XYLT1: variants seen among roughly 807,000 people sequenced by gnomAD.
XYLT1 encodes beta-D-xylosyltransferase 1.
A neutral mutation model predicts 91.3 loss-of-function variants in XYLT1; 36 were observed. The ratio of observed to expected loss-of-function variants is 0.39; its 90% CI spans 0.30 to 0.52. The LOEUF is 0.52. XYLT1 is among the 20% of genes least tolerant of loss of function. The pLI, the probability that XYLT1 is intolerant of heterozygous loss-of-function variation, is 0.68. For synonymous variants in XYLT1, 588 were observed against 532.0 expected (o/e 1.11, Z -1.45); for missense variants, 1,242 against 1,284.5 (o/e 0.97, Z 0.51).
At chr16:17,372,022 C>T (rs1276640433) in intron 1 of XYLT1, among the ~76,000 whole-genome samples, 1 of 152,168 alleles carries the variant, frequency 6.6e-6, no homozygotes, top group African/African-American at 2.4e-5. Context: ...CTAAGTTGCC[C>T]CATTCTTGGT....
At chr16:17,248,512 G>A (rs569960641) in intron 3 of XYLT1, among the ~76,000 whole-genome samples, 145 of 152,196 alleles carry the variant, frequency 9.5e-4, no homozygotes, top group African/African-American at 3.0e-3. Context: ...CTTGGCCTAC[G>A]AGCAGATTAA....
chr16:17,318,156 T>G (rs897185358), intron 2 of XYLT1, among the ~76,000 whole-genome samples: 1 of 152,234 alleles, frequency 6.6e-6, no homozygotes, highest in Non-Finnish European at 1.5e-5. Flanking sequence ...GTATATCTAA[T>G]GCCTGACGTG....
At chr16:17,418,762 C>T (rs952668430) in intron 1 of XYLT1, among the ~76,000 whole-genome samples, 15 of 151,674 alleles carry the variant, frequency 9.9e-5, no homozygotes, top group Admixed American at 2.0e-4. Context: ...GTGGGAGGCT[C>T]GCTTGAGACC....
At chr16:17,448,797 G>A (rs2036627721) in intron 1 of XYLT1, among the ~76,000 whole-genome samples, 1 of 152,058 alleles carries the variant, frequency 6.6e-6, no homozygotes, top group Non-Finnish European at 1.5e-5. Context: ...GCAGCAGCAT[G>A]TTATGGTGCT....
At chr16:17,443,625 T>C (rs1364528990) in intron 1 of XYLT1, among the ~76,000 whole-genome samples, 1 of 152,212 alleles carries the variant, frequency 6.6e-6, no homozygotes, top group Admixed American at 6.5e-5. Flanking sequence ...AGGTGGTACC[T>C]TTATAGAAGT....
chr16:17,175,989 G>A (rs1344678256), intron 5 of XYLT1, among the ~76,000 whole-genome samples: 1 of 152,012 alleles, frequency 6.6e-6, no homozygotes, highest in Non-Finnish European at 1.5e-5. Context: ...CCCCTCCACT[G>A]GTCCTCAATC....
At chr16:17,436,457 C>T (rs899311524) in intron 1 of XYLT1, among the ~76,000 whole-genome samples, 5 of 152,172 alleles carry the variant, frequency 3.3e-5, no homozygotes, top group African/African-American at 9.7e-5. Context: ...GCACTACCAC[C>T]GTGGCTGGCA....
Position 17,205,527 on chromosome 16 carries a change from C to T in XYLT1, c.914-4873G>A, listed in dbSNP as rs111788624. The stretch of plus-strand genomic sequence containing the variant: ...GGTATGTATAATCACAGAATCCACC[C>T]CACATGGACATTCACATCCAGAAGA... On this transcript the variant is annotated intron_variant, in intron 3 of 11. Transcript: ENST00000261381. Among the ~76,000 whole-genome samples the T allele has an allele frequency of 7.1e-3, 1,085 of 152,306 alleles. 7 individuals are homozygous for T. Among genetic ancestry groups the T allele is most frequent in the Admixed American group, 0.013 (203 of 15,304 alleles).
chr16:17,317,686 G>A (rs890883408), intron 2 of XYLT1, among the ~76,000 whole-genome samples: 1 of 145,436 alleles, frequency 6.9e-6, no homozygotes, highest in African/African-American at 2.5e-5. Flanking sequence ...TTTATGGTAT[G>A]CAGTATCTCT....
chr16:17,268,361 T>G (rs1296590379), intron 2 of XYLT1, among the ~76,000 whole-genome samples: 1 of 152,220 alleles, frequency 6.6e-6, no homozygotes, highest in Non-Finnish European at 1.5e-5. Flanking sequence ...TTAATAAACA[T>G]TTTAAGAATG....
chr16:17,134,589 C>G lies in XYLT1; in HGVS notation c.1911G>C (p.Glu637Asp), dbSNP rs772659981. 28 of 1,614,054 alleles carry G rather than the reference C, an allele frequency of 1.7e-5. No homozygotes were observed. The highest frequency in any genetic ancestry group is 2.3e-5 in the Non-Finnish European group (27 of 1,180,034). Residue 637 changes from glutamate (E) to aspartate (D), a missense_variant, in exon 9 of 12, where the codon GAG becomes GAC. Glu to Asp is a conservative substitution (Grantham distance 45, BLOSUM62 2). Transcript: ENST00000261381. The stretch of plus-strand genomic sequence containing the variant: ...CGCTCAGGCTGTGGATGCCGTCAGG[C>G]TCATCGTAGACATTCTCCCAGTAGG... ...LRSYWENVYDEPDGIHSLSDV... is the reference protein window; with the variant it reads ...LRSYWENVYDDPDGIHSLSDV...
At chr16:17,400,617 GAGGGAGGAAGGGAGGAAGGAAGGA>G (rs1464787657) in intron 1 of XYLT1, among the ~76,000 whole-genome samples, 78 of 122,076 alleles carry the variant, frequency 6.4e-4, no homozygotes, top group African/African-American at 1.9e-3. Context: ...GGGAGGGAGG[GAGGGAGGAAGGGAGGAAGGAAGGA>G]AGGAAGGAAG....
intron 2 of XYLT1, among the ~76,000 whole-genome samples, chr16:17,334,462 G>C (rs1049026025): frequency 2.6e-5 from 4 of 151,804 alleles, no homozygotes; most frequent in Non-Finnish European, 5.9e-5. Flanking sequence ...CTCTTTGTCT[G>C]ATTTGCAATA....
intron 1 of XYLT1, among the ~76,000 whole-genome samples, chr16:17,445,152 T>C (rs566648996): frequency 2.0e-5 from 3 of 152,170 alleles, no homozygotes; most frequent in Non-Finnish European, 4.4e-5. Flanking sequence ...GGCACCAACA[T>C]GCCAGGCTAA....
At chr16:17,246,919 C>G (rs546706276) in intron 3 of XYLT1, among the ~76,000 whole-genome samples, 1 of 152,162 alleles carries the variant, frequency 6.6e-6, no homozygotes, top group Non-Finnish European at 1.5e-5. Context: ...AGGGAACAGG[C>G]AAGGTGGTTT....
intron 9 of XYLT1, among the ~76,000 whole-genome samples, chr16:17,130,533 C>T (rs940672768): frequency 2.0e-5 from 3 of 152,092 alleles, no homozygotes; most frequent in African/African-American, 4.8e-5. Context: ...AGTGCAGTGT[C>T]GTGAAACTGG....
chr16:17,138,563 C>T, intron 7 of XYLT1, 32 bp from the exon 8 acceptor site: 1 of 1,599,726 alleles, frequency 6.3e-7, no homozygotes, highest in Non-Finnish European at 8.5e-7. Context: ...AGCCTGAGAC[C>T]TCTCCCAGCC....
intron 10 of XYLT1, among the ~76,000 whole-genome samples, chr16:17,122,420 C>G (rs2030100006): frequency 6.6e-6 from 1 of 152,138 alleles, no homozygotes; most frequent in Non-Finnish European, 1.5e-5. Flanking sequence ...TATTCATGGC[C>G]TTAGCCCACT....
intron 1 of XYLT1, among the ~76,000 whole-genome samples, chr16:17,402,758 T>TA (rs11306335): frequency 6.6e-6 from 1 of 150,682 alleles, no homozygotes; most frequent in African/African-American, 2.4e-5. Context: ...TTTTTTTTTT[T>TA]AAGAGATAGG....
Sources: allele counts gnomAD v4.1 joint callset (sites outside exome capture counted in the v4.1 genomes callset), GRCh38; gene constraint gnomAD v4.1.1; transcripts MANE v1.5; gene names NCBI Gene and HGNC (gene_info 2026-07-23, HGNC 2026-07-21).